The following GRID2 variants were observed in gnomAD, a reference collection of about 807,000 sequenced individuals.
GRID2 encodes the protein glutamate receptor ionotropic, delta-2.
GRID2 carries 33 observed loss-of-function variants against 114.8 expected under a neutral mutation model. That is an observed-to-expected ratio of 0.29 (90% CI 0.22 to 0.38). GRID2 has a LOEUF of 0.38. Among genes scored for constraint, GRID2 ranks in the 10% least tolerant of loss-of-function variants. The pLI is 1.00. For missense variants in GRID2, 1,184 were observed against 1,257.7 expected, an observed-to-expected ratio of 0.94 and a Z score of 0.89; for synonymous variants, 505 against 449.9, an observed-to-expected ratio of 1.12 and a Z score of -1.55.
intron 2 of GRID2, among the ~76,000 whole-genome samples, chr4:92,827,406 A>G (rs1380286228): frequency 6.6e-6 from 1 of 151,318 alleles, no homozygotes; most frequent in Non-Finnish European, 1.5e-5. Flanking sequence ...GAGATTTAAA[A>G]AAAAAAAAAA....
chr4:93,328,647 T>C (rs1455265009), intron 8 of GRID2, among the ~76,000 whole-genome samples: 1 of 152,120 alleles, frequency 6.6e-6, no homozygotes, highest in Non-Finnish European at 1.5e-5. Context: ...TGGTTTTATT[T>C]TATTTACCTT....
chr4:93,392,243 AAAAACAGAAAC>A (rs1173000955), intron 8 of GRID2, among the ~76,000 whole-genome samples: 1 of 152,156 alleles, frequency 6.6e-6, no homozygotes, highest in Non-Finnish European at 1.5e-5. Context: ...CATTGTTAAA[AAAAACAGAAAC>A]AAAATCAAAG....
rs527658015 is a variant in GRID2 at position 92,939,922 on chromosome 4, T to G, written c.245-145073T>G. ...AGGGCTCTCTTCTGTTCCATTGGTG[T>G]ATATCTCTGTTTTGGTACCAGTACC... On this transcript the variant is annotated intron_variant, in intron 2 of 15. Transcript: ENST00000282020. Among the ~76,000 whole-genome samples, 13 of 147,254 alleles carry G rather than the reference T, an allele frequency of 8.8e-5. No individual in the cohort carries two copies. In the South Asian group the frequency reaches 3.0e-3, roughly 34 times the overall value.
intron 11 of GRID2, among the ~76,000 whole-genome samples, chr4:93,475,165 A>G (rs756468819): frequency 2.0e-5 from 3 of 152,142 alleles, no homozygotes; most frequent in Non-Finnish European, 4.4e-5. Flanking sequence ...CAGAGGCTGT[A>G]AGTTGAAAGT....
At chr4:93,551,133 A>G (rs1393743179) in intron 13 of GRID2, among the ~76,000 whole-genome samples, 2 of 152,220 alleles carry the variant, frequency 1.3e-5, no homozygotes, top group Non-Finnish European at 2.9e-5. Context: ...GTGCATAGCA[A>G]TTGTCAGGAA....
At chr4:92,643,555 G>A (rs1731464526) in intron 2 of GRID2, among the ~76,000 whole-genome samples, 2 of 151,704 alleles carry the variant, frequency 1.3e-5, no homozygotes, top group South Asian at 4.1e-4. Context: ...TAGGCTGAGA[G>A]TCAAATCAAG....
rs28405909 is a variant in GRID2, at chr4:92,386,161, T to A, written c.88+81417T>A. Among the ~76,000 whole-genome samples, 258 of 151,710 alleles carry A rather than the reference T, an allele frequency of 1.7e-3. 2 individuals carry two copies. Among genetic ancestry groups the A allele is most frequent in the African/African-American group, 6.1e-3 (252 of 41,476 alleles). ...CTGAATGGTAATGCCTGCATCTTAT[T>A]GTTGTTATTTTTAAAAAGTTTAAAG... On this transcript the variant is annotated intron_variant, in intron 1 of 15. Transcript: ENST00000282020.
At chr4:93,790,480 A>G (rs1734673626) in intron 1 of GRID2, among the ~76,000 whole-genome samples, 1 of 152,114 alleles carries the variant, frequency 6.6e-6, no homozygotes, top group Admixed American at 6.5e-5. Flanking sequence ...CATTATTCCA[A>G]AGGAAGGGAA....
intron 2 of GRID2, among the ~76,000 whole-genome samples, chr4:92,749,454 A>G (rs1055176756): frequency 4.0e-5 from 6 of 150,950 alleles, no homozygotes; most frequent in African/African-American, 1.5e-4. Context: ...AGCTGAGACT[A>G]CAGGCGCCAG....
intron 2 of GRID2, among the ~76,000 whole-genome samples, chr4:92,736,812 A>C (rs115541306): frequency 6.6e-6 from 1 of 152,104 alleles, no homozygotes; most frequent in Non-Finnish European, 1.5e-5. Context: ...GAGTAAAGTG[A>C]CAAGTGTTGA....
chr4:92,432,473 C>T (rs992763279), intron 1 of GRID2, among the ~76,000 whole-genome samples: 9 of 152,018 alleles, frequency 5.9e-5, no homozygotes, highest in Admixed American at 2.6e-4. Context: ...ATGGCTTTCC[C>T]ACTCTTTCCT....
intron 10 of GRID2, among the ~76,000 whole-genome samples, chr4:93,445,806 T>A (rs1722040280): frequency 6.6e-6 from 1 of 152,072 alleles, no homozygotes. Context: ...AAAGAAATTT[T>A]TAAAATTTTT....
intron 12 of GRID2, among the ~76,000 whole-genome samples, chr4:93,497,547 C>T (rs901769473): frequency 3.3e-5 from 5 of 151,668 alleles, no homozygotes; most frequent in African/African-American, 4.8e-5. Flanking sequence ...TAAAGTGCAA[C>T]GTTTAGGTTC....
chr4:93,016,599 G>A (rs1722763766), intron 2 of GRID2, among the ~76,000 whole-genome samples: 1 of 152,070 alleles, frequency 6.6e-6, no homozygotes, highest in South Asian at 2.1e-4. Flanking sequence ...CTTTGAATGT[G>A]GTGGAATGTA....
At chr4:93,279,884 A>G (rs530664568) in intron 8 of GRID2, among the ~76,000 whole-genome samples, 8 of 152,080 alleles carry the variant, frequency 5.3e-5, no homozygotes, top group Non-Finnish European at 7.4e-5. Flanking sequence ...GACTGGAAAA[A>G]TTAGTTTCCA....
intron 8 of GRID2, among the ~76,000 whole-genome samples, chr4:93,327,441 C>T (rs547255669): frequency 6.8e-6 from 1 of 148,104 alleles, no homozygotes; most frequent in Non-Finnish European, 1.5e-5. Context: ...GTCTAGTATC[C>T]AATCCAGGAA....
chr4:92,846,387 G>A (rs1412552706), intron 2 of GRID2, among the ~76,000 whole-genome samples: 1 of 152,102 alleles, frequency 6.6e-6, no homozygotes, highest in Non-Finnish European at 1.5e-5. Flanking sequence ...TGTACCCAGT[G>A]TTTAGCTCCC....
At chr4:93,046,516 C>CA (rs1256829106) in intron 2 of GRID2, among the ~76,000 whole-genome samples, 1 of 152,070 alleles carries the variant, frequency 6.6e-6, no homozygotes, top group Non-Finnish European at 1.5e-5. Context: ...AGAAAGTTTA[C>CA]AGAAACAAAT....
intron 2 of GRID2, among the ~76,000 whole-genome samples, chr4:92,902,792 G>A (rs1747675497): frequency 6.6e-6 from 1 of 151,934 alleles, no homozygotes; most frequent in African/African-American, 2.4e-5. Flanking sequence ...TCAAAGAGCA[G>A]TTGACTGTAG....
Sources: allele counts gnomAD v4.1 joint callset (sites outside exome capture counted in the v4.1 genomes callset), GRCh38; gene constraint gnomAD v4.1.1; transcripts MANE v1.5; gene names NCBI Gene and HGNC (gene_info 2026-07-23, HGNC 2026-07-21).